The following PWP1 variants were observed in gnomAD, a reference collection of about 807,000 sequenced individuals.
The protein encoded by PWP1 is PWP1 homolog, endonuclein, also known as periodic tryptophan protein 1 homolog.
A neutral mutation model predicts 69.9 loss-of-function variants in PWP1; 47 were observed. The observed-to-expected ratio is 0.67, with a 90% CI of 0.53 to 0.86. The LOEUF (loss-of-function observed/expected upper bound fraction) is 0.86. Among genes scored for constraint, PWP1 ranks in the 40% least tolerant of loss-of-function variants. The pLI is 0.00. For missense variants in PWP1, 551 were observed against 608.8 expected (o/e 0.91, Z 1.00); for synonymous variants, 222 against 208.2 (o/e 1.07, Z -0.57).
At chr12:107,686,010 T>C (rs1464644990) in intron 1 of PWP1, 39 bp downstream of exon 1, 2 of 1,605,244 alleles carry the variant, frequency 1.2e-6, no homozygotes, top group South Asian at 2.2e-5. Flanking sequence ...GAGCAGCGTC[T>C]TTACGGCACT....
rs769634343 is a variant in PWP1 at position 107,703,765 on chromosome 12, A to T, written c.965+19A>T. On this transcript the variant is annotated intron_variant, in intron 10 of 14. Transcript: ENST00000412830. Reference sequence around the variant, plus strand: ...ATGATAAGTAAGAAAGCACAGCAAGAATGATTGCTACTCTGTTTTTATCCT... The same window carrying T: ...ATGATAAGTAAGAAAGCACAGCAAGTATGATTGCTACTCTGTTTTTATCCT... 2.9e-5 allele frequency: 45 copies of T among 1,567,318 alleles called. 2 individuals carry two copies. In the South Asian group the frequency reaches 4.7e-4, roughly 16 times the overall value.
In PWP1 at chr12:107,688,610, CAT is replaced by C; in HGVS notation, c.132-3_132-2del. On this transcript the variant is annotated splice_polypyrimidine_tract_variant and splice_region_variant and intron_variant, in intron 2 of 14. Coordinates refer to ENST00000412830, the MANE Select transcript of PWP1 (RefSeq NM_007062.3). ...GTGATTCTCTTTTTCTTTCTGTGCT[CAT>C]AGAGAAGAAGGTGGTGGCAGTGATG... is the stretch of plus-strand genomic sequence containing the variant. The C allele has an allele frequency of 6.2e-7, 1 of 1,612,972 alleles. No individual in the cohort carries two copies. The highest frequency in any genetic ancestry group is 8.5e-7 in the Non-Finnish European group (1 of 1,179,172).
chr12:107,698,695 G>C (rs569772729), intron 7 of PWP1, among the ~76,000 whole-genome samples: 32 of 152,226 alleles, frequency 2.1e-4, no homozygotes, highest in African/African-American at 7.2e-4. Context: ...AGAGATCCTG[G>C]GATTCTCCTG....
chr12:107,698,617 T>C (rs962604984), intron 7 of PWP1, among the ~76,000 whole-genome samples: 1 of 152,246 alleles, frequency 6.6e-6, no homozygotes, highest in African/African-American at 2.4e-5. Context: ...AAGGTCTTGC[T>C]CTGTCTCCCA....
At chr12:107,694,412 A>G (rs1889543554) in intron 5 of PWP1, among the ~76,000 whole-genome samples, 2 of 152,230 alleles carry the variant, frequency 1.3e-5, no homozygotes, top group Admixed American at 1.3e-4. Context: ...GTTTATCGCC[A>G]TCTTCTAGGT....
chr12:107,688,430 A>G lies in PWP1; in HGVS notation c.73-18A>G, dbSNP rs1889416459. 6.3e-7 allele frequency: 1 copy of G among 1,594,958 alleles called. No homozygotes were observed. The highest frequency in any genetic ancestry group is 2.2e-5 in the East Asian group (1 of 44,760). The stretch of plus-strand genomic sequence containing the variant: ...ATTTCCTTACACATATTGTAATGAA[A>G]TCTTTGCTCTCTTACAGGTAGAGCT... On this transcript the variant is annotated intron_variant, in intron 1 of 14. Transcript: ENST00000412830.
In PWP1 at chr12:107,691,824, T is replaced by C. The variant is rs114136548; in HGVS notation, c.320-990T>C. Among the ~76,000 whole-genome samples the C allele has an allele frequency of 3.7e-3, 558 of 152,330 alleles. 3 individuals carry two copies. The highest frequency in any genetic ancestry group is 0.012 in the African/African-American group (508 of 41,580). Reference sequence around the variant, plus strand: ...CTCATTCGCTTGGCCATCTGTCCTATGGATTACTATTAACTTCATTTTTCA... The same window carrying C: ...CTCATTCGCTTGGCCATCTGTCCTACGGATTACTATTAACTTCATTTTTCA... On this transcript the variant is annotated intron_variant, in intron 3 of 14. Coordinates refer to ENST00000412830, the MANE Select transcript of PWP1 (RefSeq NM_007062.3).
chr12:107,698,681 C>T (rs1889642641), intron 7 of PWP1, among the ~76,000 whole-genome samples: 1 of 152,208 alleles, frequency 6.6e-6, no homozygotes, highest in South Asian at 2.1e-4. Flanking sequence ...AACGCCTAGG[C>T]TCAAGAGATC....
intron 7 of PWP1, 112 bp downstream of exon 7, chr12:107,697,709 G>A: frequency 9.5e-7 from 1 of 1,053,772 alleles, no homozygotes; most frequent in South Asian, 1.3e-5. Context: ...TGGTGAGATG[G>A]GGTAGGTAGT....
chr12:107,688,666 T>A lies in PWP1; in HGVS notation c.183T>A (p.Asp61Glu). The A allele has an allele frequency of 6.2e-7, 1 of 1,614,220 alleles. No individual in the cohort carries two copies. The highest frequency in any genetic ancestry group is 1.3e-5 in the African/African-American group (1 of 75,058). ...DEEETGSPSE[D>E]GMQSARTQAR... ...AGGAGACAGGCAGTCCTTCAGAAGA[T>A]GGCATGCAGAGTGCACGCACCCAGG... is the stretch of plus-strand genomic sequence containing the variant. The change falls in exon 3 of 15, where the codon GAT becomes GAA. Residue 61 changes from aspartate (D) to glutamate (E), a missense_variant. Physicochemically the swap from Asp to Glu is conservative, Grantham distance 45. Transcript: ENST00000412830.
chr12:107,705,860 C>T (rs574361835), intron 11 of PWP1, among the ~76,000 whole-genome samples: 9 of 103,020 alleles, frequency 8.7e-5, no homozygotes, highest in East Asian at 8.6e-4. Context: ...TATGCACATA[C>T]GTGTGCATGT....
chr12:107,691,546 G>A (rs538821524), intron 3 of PWP1, among the ~76,000 whole-genome samples: 1 of 152,278 alleles, frequency 6.6e-6, no homozygotes, highest in South Asian at 2.1e-4. Context: ...GAAGCAATGA[G>A]GGCCTGGCTT....
chr12:107,702,155 A>G (rs1009981946), intron 8 of PWP1, among the ~76,000 whole-genome samples: 5 of 152,204 alleles, frequency 3.3e-5, no homozygotes, highest in Admixed American at 2.0e-4. Context: ...TTTTGATGCC[A>G]GGAAATATGA....
At position 107,688,686 on chromosome 12, in the gene PWP1, C is replaced by T; in HGVS notation, c.203C>T (p.Thr68Ile). The stretch of plus-strand genomic sequence containing the variant: ...GAAGATGGCATGCAGAGTGCACGCA[C>T]CCAGGCACGCCCAAGAGAGCCCCTG... ...PSEDGMQSAR[T>I]QARPREPLED... Residue 68 changes from threonine to isoleucine, a missense_variant, in exon 3 of 15, where the codon ACC becomes ATC. By Grantham distance (89) the Thr-to-Ile change is moderately conservative. Transcript: ENST00000412830. The T allele has an allele frequency of 6.2e-7, 1 of 1,614,168 alleles. No individual in the cohort carries two copies. Among genetic ancestry groups the T allele is most frequent in the Non-Finnish European group, 8.5e-7 (1 of 1,180,000 alleles).
At chr12:107,703,890 A>G in intron 10 of PWP1, 144 bp downstream of exon 10, 7 of 718,096 alleles carry the variant, frequency 9.7e-6, no homozygotes, top group Middle Eastern at 2.4e-4. Flanking sequence ...TTTTCCTTTT[A>G]ACTCTGGTCC....
chr12:107,687,983 A>G lies in PWP1; in HGVS notation c.73-465A>G, dbSNP rs12426279. Among the ~76,000 whole-genome samples the G allele has an allele frequency of 1.6e-3, 218 of 135,320 alleles. 2 individuals carry two copies. Among genetic ancestry groups the G allele is most frequent in the Admixed American group, 8.3e-3 (99 of 11,970 alleles). The allele number at this position is 135,320 out of a possible 152,430, so 88.8% of individuals were successfully genotyped here. ...GAGGTGGAGGTTGCAGTGAGCCGAG[A>G]TGGCGCCATTGCTCTTCAGCCTGGG... On this transcript the variant is annotated intron_variant, in intron 1 of 14. Transcript: ENST00000412830.
At chr12:107,706,082 T>C (rs529827834) in intron 11 of PWP1, among the ~76,000 whole-genome samples, 54 of 152,370 alleles carry the variant, frequency 3.5e-4, no homozygotes, top group Middle Eastern at 6.8e-3. Flanking sequence ...TTTTTAATGA[T>C]CGCCATTCTA....
chr12:107,710,531 G>A (rs780521739), intron 14 of PWP1, 21 bp downstream of exon 14: 3 of 1,506,312 alleles, frequency 2.0e-6, no homozygotes, highest in East Asian at 4.8e-5. Flanking sequence ...TTAGTTCTCT[G>A]CACACCTCCC....
At chr12:107,704,884 G>T (rs1889785287) in intron 11 of PWP1, 137 bp downstream of exon 11, 2 of 616,620 alleles carry the variant, frequency 3.2e-6, no homozygotes, top group Admixed American at 3.5e-5. Flanking sequence ...GAAAGCATAA[G>T]GTGTTTTTTT....
Sources: gnomAD v4.1 joint callset for allele counts (sites outside exome capture counted in the v4.1 genomes callset) on GRCh38, gnomAD v4.1.1 for gene constraint, MANE v1.5 for transcripts, NCBI Gene and HGNC (gene_info 2026-07-23, HGNC 2026-07-21) for gene names.